The following TMEM131 variants were observed in gnomAD, a reference collection of about 807,000 sequenced individuals.
TMEM131 encodes transmembrane protein 131, also known as 2610524E03Rik.
Under a neutral mutation model 211.6 loss-of-function variants are expected in TMEM131, and 66 were observed. The ratio of observed to expected loss-of-function variants is 0.31; its 90% confidence interval spans 0.26 to 0.38. The LOEUF is 0.38. Among genes scored for constraint, TMEM131 ranks in the 10% least tolerant of loss-of-function variants. The pLI, the probability that TMEM131 is intolerant of heterozygous loss-of-function variation, is 1.00. For missense variants in TMEM131, 2,036 were observed against 2,299.3 expected, an observed-to-expected ratio of 0.89 and a Z score of 2.34; for synonymous variants, 844 against 841.3, an observed-to-expected ratio of 1.00 and a Z score of -0.06.
intron 1 of TMEM131, among the ~76,000 whole-genome samples, chr2:97,966,517 C>A (rs965338540): frequency 6.6e-6 from 1 of 152,112 alleles, no homozygotes; most frequent in Admixed American, 6.5e-5. Flanking sequence ...TAGGTTCCAA[C>A]GACCAATCCA....
At position 97,805,577 on chromosome 2, in the gene TMEM131, C is replaced by A; in HGVS notation, c.2182G>T (p.Asp728Tyr). ...TTTGATTTTTTTCCTGGCTCCAAGT[C>A]TTCCTTATTGCCCCGTAATCGTTTA... is the stretch of plus-strand genomic sequence containing the variant. Reference protein sequence around the residue: ...YYKRLRGNKEDLEPGKKSKIA... With the variant: ...YYKRLRGNKEYLEPGKKSKIA... The change falls in exon 20 of 41, where the codon GAC becomes TAC. Residue 728 changes from aspartate (D) to tyrosine (Y), a missense_variant. Asp to Tyr is a radical substitution (Grantham distance 160). This residue lies in a region of TMEM131 where 1,623 missense variants were observed against 1,805.9 expected (regional missense o/e 0.90). Coordinates refer to ENST00000186436, the MANE Select transcript of TMEM131 (RefSeq NM_015348.2). The A allele has an allele frequency of 6.2e-7, 1 of 1,609,738 alleles. No individual in the cohort carries two copies. The highest frequency in any genetic ancestry group is 8.5e-7 in the Non-Finnish European group (1 of 1,176,856).
At chr2:97,757,708 T>C (rs1454673324) in intron 40 of TMEM131, among the ~76,000 whole-genome samples, 1 of 152,172 alleles carries the variant, frequency 6.6e-6, no homozygotes, top group Non-Finnish European at 1.5e-5. Flanking sequence ...CTAGTTGTGA[T>C]ATTTTAAAAA....
At chr2:97,896,729 A>T (rs1055998000) in intron 3 of TMEM131, among the ~76,000 whole-genome samples, 3 of 152,128 alleles carry the variant, frequency 2.0e-5, no homozygotes, top group Admixed American at 6.6e-5. Flanking sequence ...ACCTTGACAC[A>T]TCTGGACAAG....
intron 11 of TMEM131, among the ~76,000 whole-genome samples, chr2:97,826,283 A>G (rs568557797): frequency 2.2e-3 from 332 of 152,334 alleles, no homozygotes; most frequent in African/African-American, 7.5e-3. Context: ...AAAACTGAGA[A>G]AGGGAAAAAG....
chr2:97,939,341 A>T (rs897851324), intron 1 of TMEM131, among the ~76,000 whole-genome samples: 3 of 152,138 alleles, frequency 2.0e-5, no homozygotes, highest in Non-Finnish European at 4.4e-5. Context: ...ATGATAAAGG[A>T]GATATCACCA....
intron 39 of TMEM131, 134 bp downstream of exon 39, chr2:97,759,518 C>T: frequency 1.3e-6 from 1 of 742,460 alleles, no homozygotes; most frequent in Non-Finnish European, 2.2e-6. Context: ...GGAGGGGACC[C>T]TTCCCAGGGA....
At chr2:97,806,053 G>T (rs1270593994) in intron 19 of TMEM131, among the ~76,000 whole-genome samples, 1 of 152,164 alleles carries the variant, frequency 6.6e-6, no homozygotes, top group African/African-American at 2.4e-5. Context: ...CTTTCAGTTT[G>T]GTAAGCAAGG....
intron 1 of TMEM131, among the ~76,000 whole-genome samples, chr2:97,930,034 C>T (rs1173411111): frequency 6.6e-6 from 1 of 151,720 alleles, no homozygotes; most frequent in African/African-American, 2.4e-5. Context: ...ACCTGTTCCC[C>T]CCACTTTTTA....
intron 4 of TMEM131, among the ~76,000 whole-genome samples, chr2:97,882,078 G>T (rs565144551): frequency 6.6e-6 from 1 of 152,244 alleles, no homozygotes; most frequent in African/African-American, 2.4e-5. Context: ...TTCACAAAAA[G>T]AACCTTACCT....
intron 1 of TMEM131, among the ~76,000 whole-genome samples, chr2:97,994,560 T>C (rs1438751132): frequency 6.6e-6 from 1 of 152,198 alleles, no homozygotes; most frequent in Non-Finnish European, 1.5e-5. Context: ...TACAGGCAGT[T>C]TCATGTGCAA....
At chr2:97,790,014 C>T (rs188713529) in intron 31 of TMEM131, among the ~76,000 whole-genome samples, 73 of 152,126 alleles carry the variant, frequency 4.8e-4, no homozygotes, top group Non-Finnish European at 5.9e-5. Context: ...GAGCAGCTTC[C>T]AAAAACCAGA....
chr2:97,860,288 T>C (rs1237552072), intron 4 of TMEM131, among the ~76,000 whole-genome samples: 1 of 152,184 alleles, frequency 6.6e-6, no homozygotes, highest in Non-Finnish European at 1.5e-5. Context: ...TGAGCCAGGC[T>C]AGTTCCATGG....
In TMEM131 at chr2:97,792,515, T is replaced by C; in HGVS notation, c.4015A>G (p.Arg1339Gly). Residue 1339 changes from arginine (R) to glycine (G), a missense_variant, in exon 31 of 41, where the codon AGG (arginine) becomes GGG (glycine). Physicochemically the swap from Arg to Gly is moderately radical, Grantham distance 125. Coordinates refer to ENST00000186436, the MANE Select transcript of TMEM131 (RefSeq NM_015348.2). The stretch of plus-strand genomic sequence containing the variant: ...ATGTCCGAGTCCTCGGAACTGTGCC[T>C]CGCGCTGCTGGCACGTTCTGGGTGG... ...PSHPERASSARHSSEDSDITS... is the reference protein window; with the variant it reads ...PSHPERASSAGHSSEDSDITS... 1 of 1,613,520 alleles carries C rather than the reference T, an allele frequency of 6.2e-7. No individual in the cohort carries two copies. Among genetic ancestry groups the C allele is most frequent in the South Asian group, 1.1e-5 (1 of 90,972 alleles).
intron 1 of TMEM131, among the ~76,000 whole-genome samples, chr2:97,947,668 T>G (rs1678107425): frequency 6.6e-6 from 1 of 152,126 alleles, no homozygotes; most frequent in Non-Finnish European, 1.5e-5. Context: ...CCAATCAAGT[T>G]TTTTGTTGTA....
rs376881641 is a variant in TMEM131, at chr2:97,766,029, A to C, written c.4723+85T>G. ...GCACTGTCAATGGGTATTTTAAAGC[A>C]ACATGCCCCTGAAGAGTTCCATGCC... On this transcript the variant is annotated intron_variant, in intron 35 of 40. Transcript: ENST00000186436. The C allele has an allele frequency of 4.7e-5, 72 of 1,535,596 alleles. No individual in the cohort carries two copies. In the East Asian group the frequency reaches 1.4e-3, roughly 30 times the overall value.
chr2:97,762,161 T>C lies in TMEM131; in HGVS notation c.4763A>G (p.Asn1588Ser), dbSNP rs1678889009. 2 of 1,613,922 alleles carry C rather than the reference T, an allele frequency of 1.2e-6. No homozygotes were observed. The highest frequency in any genetic ancestry group is 1.7e-6 in the Non-Finnish European group (2 of 1,179,866). ...GCGTTGTTTTAAGAAAATGTCTGCGTTGAGGGTTTGCAGAGAAAGTTTATA... is the reference window on the plus strand; with the variant it reads ...GCGTTGTTTTAAGAAAATGTCTGCGCTGAGGGTTTGCAGAGAAAGTTTATA... Reference protein sequence around the residue: ...SLYKLSLQTLNADIFLKQRQT... With the variant: ...SLYKLSLQTLSADIFLKQRQT... The change falls in exon 36 of 41, where the codon AAC (asparagine) becomes AGC (serine). Residue 1588 changes from asparagine to serine, a missense_variant. Asn to Ser is a conservative substitution (Grantham distance 46). Transcript: ENST00000186436.
At chr2:97,932,788 G>A (rs1677283856) in intron 1 of TMEM131, among the ~76,000 whole-genome samples, 1 of 150,646 alleles carries the variant, frequency 6.6e-6, no homozygotes, top group African/African-American at 2.5e-5. Context: ...AGCTATTACT[G>A]GAACTATAGC....
intron 5 of TMEM131, among the ~76,000 whole-genome samples, chr2:97,853,584 C>A (rs900919371): frequency 7.1e-6 from 1 of 141,780 alleles, no homozygotes; most frequent in Non-Finnish European, 1.5e-5. Context: ...CCAGCCTGGG[C>A]GACAGAGTGA....
At chr2:97,817,749 A>G (rs962489142) in intron 12 of TMEM131, among the ~76,000 whole-genome samples, 4 of 152,174 alleles carry the variant, frequency 2.6e-5, no homozygotes, top group African/African-American at 7.2e-5. Context: ...ATACTCTCAT[A>G]AACACTGTGT....
Sources: allele counts gnomAD v4.1 joint callset (sites outside exome capture counted in the v4.1 genomes callset), GRCh38; gene constraint gnomAD v4.1.1; regional missense constraint gnomAD v4.1.1; transcripts MANE v1.5; gene names NCBI Gene and HGNC (gene_info 2026-07-23, HGNC 2026-07-21).